Variants in TMEM178A observed in about 807,000 individuals in gnomAD.
The protein encoded by TMEM178A is transmembrane protein 178A.
In TMEM178A, 12 loss-of-function variants were observed where a neutral mutation model predicts 29.1. That is an observed-to-expected ratio of 0.41 (90% CI 0.26 to 0.67). TMEM178A has a LOEUF of 0.67. Ranked by LOEUF, TMEM178A falls within the 30% of genes least tolerant of loss-of-function variation. TMEM178A has a pLI of 0.29. For synonymous variants in TMEM178A, 210 were observed against 187.2 expected, an observed-to-expected ratio of 1.12 and a Z score of -0.99; for missense variants, 366 against 419.1, an observed-to-expected ratio of 0.87 and a Z score of 1.11.
chr2:39,694,186 T>TAA (rs60636300), intron 1 of TMEM178A, among the ~76,000 whole-genome samples: 2 of 150,004 alleles, frequency 1.3e-5, no homozygotes, highest in East Asian at 1.9e-4. Context: ...ATAATAATAA[T>TAA]TAAAGCGAAC....
the TMEM178A span, among the ~76,000 whole-genome samples, chr2:39,725,180 G>A: frequency 1.8e-4 from 28 of 152,288 alleles, no homozygotes; most frequent in African/African-American, 6.7e-4. Context: ...GCCATGTAGA[G>A]CCATGCGGGG....
chr2:39,688,014 C>A (rs1671155121), intron 1 of TMEM178A, among the ~76,000 whole-genome samples: 1 of 152,184 alleles, frequency 6.6e-6, no homozygotes, highest in African/African-American at 2.4e-5. Context: ...ACAATAGAAC[C>A]TATCAGATGA....
At chr2:39,697,744 A>G (rs1463848485) in intron 1 of TMEM178A, 3 of 152,458 alleles carry the variant, frequency 2.0e-5, no homozygotes, top group South Asian at 2.1e-4. Flanking sequence ...ATGCAGAGGA[A>G]GCAGGAGAAC....
rs541153757 is a variant in TMEM178A, at chr2:39,690,419, A to G, written c.401-13662A>G. On this transcript the variant is annotated intron_variant, in intron 1 of 3. Transcript: ENST00000281961. ...GCAGAGAAGGTGTACAAATGTGAAC[A>G]GTTCAGGACACTGCCGTGGGGAAAA... 1.8e-3 allele frequency among the ~76,000 whole-genome samples: 275 copies of G among 152,348 alleles called. 1 individual carries two copies. The highest frequency in any genetic ancestry group is 6.4e-3 in the African/African-American group (265 of 41,564).
chr2:39,711,126 C>T (rs2148113907), intron 3 of TMEM178A, among the ~76,000 whole-genome samples: 1 of 152,254 alleles, frequency 6.6e-6, no homozygotes, highest in South Asian at 2.1e-4. Flanking sequence ...TCTGAGGTTA[C>T]ACACACACAG....
Position 39,666,062 on chromosome 2 carries a change from C to T in TMEM178A, c.88C>T (p.His30Tyr). Residue 30 changes from histidine to tyrosine, a missense_variant, in exon 1 of 4, where the codon CAC (histidine) becomes TAC (tyrosine). Physicochemically the swap from His to Tyr is moderately conservative, Grantham distance 83. Coordinates refer to ENST00000281961, the MANE Select transcript of TMEM178A (RefSeq NM_152390.3). ...GCTCGTCACGGCCATCTTCACCGACCACTGGTACGAGACCGACCCCCGGCG... is the reference window on the plus strand; with the variant it reads ...GCTCGTCACGGCCATCTTCACCGACTACTGGTACGAGACCGACCCCCGGCG... ...GLLVTAIFTDHWYETDPRRHK... is the reference protein window; with the variant it reads ...GLLVTAIFTDYWYETDPRRHK... 1 of 1,565,330 alleles carries T rather than the reference C, an allele frequency of 6.4e-7. No individual in the cohort carries two copies. The highest frequency in any genetic ancestry group is 8.6e-7 in the Non-Finnish European group (1 of 1,159,328).
At chr2:39,667,334 G>A (rs1670211207) in intron 1 of TMEM178A, among the ~76,000 whole-genome samples, 2 of 104,914 alleles carry the variant, frequency 1.9e-5, no homozygotes, top group African/African-American at 9.1e-5. Flanking sequence ...CAGATAGTTT[G>A]ATTTTTTTTT....
intron 1 of TMEM178A, among the ~76,000 whole-genome samples, chr2:39,687,607 C>T (rs1671138249): frequency 6.6e-6 from 1 of 152,098 alleles, no homozygotes; most frequent in African/African-American, 2.4e-5. Flanking sequence ...TGTTCAGGCA[C>T]CTGAAAACCA....
At chr2:39,725,973 G>A in the TMEM178A span, among the ~76,000 whole-genome samples, 2 of 152,196 alleles carry the variant, frequency 1.3e-5, no homozygotes, top group African/African-American at 2.4e-5. Flanking sequence ...TCTCTATAGA[G>A]CACCTAGTAT....
chr2:39,721,806 C>G (rs562996746), downstream of TMEM178A, among the ~76,000 whole-genome samples: 2 of 151,810 alleles, frequency 1.3e-5, no homozygotes, highest in South Asian at 4.2e-4. Flanking sequence ...CCAGGCTGGG[C>G]AAATAGAGCC....
chr2:39,730,171 T>C, the TMEM178A span, among the ~76,000 whole-genome samples: 2 of 152,276 alleles, frequency 1.3e-5, no homozygotes, highest in African/African-American at 4.8e-5. Context: ...ACCTCTTAAT[T>C]CAATGGTTTC....
At chr2:39,687,619 G>C (rs748356774) in intron 1 of TMEM178A, among the ~76,000 whole-genome samples, 1 of 152,314 alleles carries the variant, frequency 6.6e-6, no homozygotes, top group South Asian at 2.1e-4. Flanking sequence ...TGAAAACCAA[G>C]CAGGGAAAGG....
At chr2:39,732,916 T>G in the TMEM178A span, among the ~76,000 whole-genome samples, 4 of 152,362 alleles carry the variant, frequency 2.6e-5, no homozygotes, top group South Asian at 6.2e-4. Context: ...CGTGCCTTTC[T>G]TAGTGTTGGC....
chr2:39,699,906 C>T (rs759056093), intron 1 of TMEM178A, among the ~76,000 whole-genome samples: 11 of 152,156 alleles, frequency 7.2e-5, no homozygotes, highest in East Asian at 1.9e-4. Context: ...TTTGCCTTAT[C>T]GGTTATTTAG....
At chr2:39,691,838 C>T (rs1671330063) in intron 1 of TMEM178A, among the ~76,000 whole-genome samples, 2 of 151,258 alleles carry the variant, frequency 1.3e-5, no homozygotes, top group Non-Finnish European at 2.9e-5. Context: ...TTTTCTTTAT[C>T]CTTTCATCTG....
intron 1 of TMEM178A, among the ~76,000 whole-genome samples, chr2:39,671,561 C>T (rs1670409568): frequency 1.3e-5 from 2 of 152,202 alleles, no homozygotes; most frequent in South Asian, 2.1e-4. Context: ...TTTTTCTTTC[C>T]CTCTTTACTT....
At chr2:39,699,113 C>T (rs1671675382) in intron 1 of TMEM178A, among the ~76,000 whole-genome samples, 1 of 151,154 alleles carries the variant, frequency 6.6e-6, no homozygotes, top group Non-Finnish European at 1.5e-5. Flanking sequence ...GCAACCTCTG[C>T]CTCCCAGGTT....
rs114348974 is a variant in TMEM178A at position 39,710,567 on chromosome 2, G to A, written c.652+3381G>A. 4.0e-3 allele frequency among the ~76,000 whole-genome samples: 614 copies of A among 152,200 alleles called. 2 individuals are homozygous for A. Among genetic ancestry groups the A allele is most frequent in the Non-Finnish European group, 6.0e-3 (405 of 68,012 alleles). On this transcript the variant is annotated intron_variant, in intron 3 of 3. Transcript: ENST00000281961. ...TTCTGTTGCTGTGGGATTTAGGGGC[G>A]TTTGTTTTGCTTTTGTTACTACAAA...
At chr2:39,699,311 C>T (rs1257475019) in intron 1 of TMEM178A, among the ~76,000 whole-genome samples, 1 of 151,972 alleles carries the variant, frequency 6.6e-6, no homozygotes, top group East Asian at 1.9e-4. Flanking sequence ...ATGGGCATAA[C>T]CAAATTTTAG....
Sources: gnomAD v4.1 joint callset for allele counts (sites outside exome capture counted in the v4.1 genomes callset) on GRCh38, gnomAD v4.1.1 for gene constraint, MANE v1.5 for transcripts, NCBI Gene and HGNC (gene_info 2026-07-23, HGNC 2026-07-21) for gene names.